The following EPB41L3 variants were observed in gnomAD, a reference collection of about 807,000 sequenced individuals.
EPB41L3 encodes band 4.1-like protein 3.
A neutral mutation model predicts 127.1 loss-of-function variants in EPB41L3; 57 were observed. The ratio of observed to expected loss-of-function variants is 0.45; its 90% CI spans 0.36 to 0.56. The LOEUF is 0.56. EPB41L3 is among the 20% of genes least tolerant of loss of function. EPB41L3 has a pLI of 0.00. For missense variants in EPB41L3, 1,273 were observed against 1,372.2 expected (o/e 0.93, Z 1.14); for synonymous variants, 572 against 549.5 (o/e 1.04, Z -0.57).
chr18:5,423,762 G>A (rs1345755004), intron 10 of EPB41L3, among the ~76,000 whole-genome samples: 1 of 152,158 alleles, frequency 6.6e-6, no homozygotes, highest in African/African-American at 2.4e-5. Context: ...AATGAGGGTT[G>A]TACTGAACTA....
chr18:5,564,968 C>T (rs1355449437), intron 3 of EPB41L3, among the ~76,000 whole-genome samples: 3 of 152,130 alleles, frequency 2.0e-5, no homozygotes, highest in Admixed American at 1.3e-4. Flanking sequence ...GAGAACTTTT[C>T]CCTCAAAATA....
At chr18:5,459,606 A>G (rs560600144) in intron 3 of EPB41L3, among the ~76,000 whole-genome samples, 1 of 152,296 alleles carries the variant, frequency 6.6e-6, no homozygotes, top group South Asian at 2.1e-4. Context: ...GGTTATATAA[A>G]GGAAGTTCTT....
rs574590902 is a variant in EPB41L3, at chr18:5,487,328, T to TA, written c.183+1672dup. Among the ~76,000 whole-genome samples, 10 of 151,650 alleles carry TA rather than the reference T, an allele frequency of 6.6e-5. No homozygotes were observed. In the South Asian group the frequency reaches 2.1e-3, roughly 32 times the overall value. ...GGTGATTACGTGAGGCTGGGAAGGA[T>TA]AGGGAGGATGGTAGGGAGGAGGAGT... On this transcript the variant is annotated intron_variant, in intron 2 of 22. Coordinates refer to ENST00000341928, the MANE Select transcript of EPB41L3 (RefSeq NM_012307.5).
At chr18:5,576,873 A>G (rs1568598388) in intron 3 of EPB41L3, among the ~76,000 whole-genome samples, 1 of 152,256 alleles carries the variant, frequency 6.6e-6, no homozygotes, top group Non-Finnish European at 1.5e-5. Context: ...AGTACACGGC[A>G]TTCTTGTCTT....
At chr18:5,522,054 T>C (rs2093012388) in intron 1 of EPB41L3, among the ~76,000 whole-genome samples, 1 of 152,132 alleles carries the variant, frequency 6.6e-6, no homozygotes, top group African/African-American at 2.4e-5. Context: ...AAGGGTTATC[T>C]TTAGAACAGA....
intron 3 of EPB41L3, among the ~76,000 whole-genome samples, chr18:5,562,450 C>A (rs1480806598): frequency 6.6e-6 from 1 of 152,162 alleles, no homozygotes; most frequent in Non-Finnish European, 1.5e-5. Flanking sequence ...AGTCATATGA[C>A]TTGGTTCCAT....
intron 1 of EPB41L3, among the ~76,000 whole-genome samples, chr18:5,618,116 C>T (rs1266316992): frequency 2.0e-5 from 3 of 152,146 alleles, no homozygotes; most frequent in African/African-American, 7.2e-5. Flanking sequence ...ATTCAAAATT[C>T]CAAACAACTA....
intron 1 of EPB41L3, among the ~76,000 whole-genome samples, chr18:5,494,129 A>G (rs1336989988): frequency 1.3e-5 from 2 of 152,068 alleles, no homozygotes; most frequent in Admixed American, 1.3e-4. Context: ...CTTTACCTGG[A>G]TATCTCAGAA....
At chr18:5,598,725 A>G (rs1453698639) in intron 3 of EPB41L3, among the ~76,000 whole-genome samples, 6 of 152,212 alleles carry the variant, frequency 3.9e-5, no homozygotes. Flanking sequence ...GAGGCAGAAA[A>G]GCAGATGTCC....
chr18:5,471,175 T>C (rs1277600268), intron 3 of EPB41L3, among the ~76,000 whole-genome samples: 1 of 152,176 alleles, frequency 6.6e-6, no homozygotes, highest in Non-Finnish European at 1.5e-5. Context: ...TTATACTGTC[T>C]GTCCTTAAAG....
At chr18:5,595,419 T>C (rs1456542358) in intron 3 of EPB41L3, among the ~76,000 whole-genome samples, 6 of 152,154 alleles carry the variant, frequency 3.9e-5, no homozygotes, top group Admixed American at 3.9e-4. Flanking sequence ...CACTGTCTCC[T>C]GGACAGCCTT....
At chr18:5,478,028 A>T (rs1383403062) in intron 3 of EPB41L3, among the ~76,000 whole-genome samples, 2 of 152,238 alleles carry the variant, frequency 1.3e-5, no homozygotes, top group African/African-American at 4.8e-5. Flanking sequence ...ATATAAGGTC[A>T]CAGTTTACTT....
In EPB41L3 at chr18:5,397,247, G is replaced by C. The variant is rs369967519; in HGVS notation, c.2652C>G (p.Pro884=). The change falls in exon 18 of 23, where the codon CCC becomes CCG. Residue 884 remains proline (P), a synonymous_variant. Coordinates refer to ENST00000341928, the MANE Select transcript of EPB41L3 (RefSeq NM_012307.5). This position sits in a 1 kb window ranked among gnomAD's most constrained non-coding sequence, Gnocchi z 4.1. ...CTTTCCCTTTAATGCCTGTGAATGC[G>C]GGCTGTGCTGCAGCATCCCCGCTGT... ...AGDSGDAAAQ[P]AFTGIKGKEG... The C allele has an allele frequency of 6.2e-7, 1 of 1,614,072 alleles. No homozygotes were observed.
Position 5,424,288 on chromosome 18 carries a change from T to C in EPB41L3, c.1137A>G (p.Val379=), listed in dbSNP as rs761234872. The C allele has an allele frequency of 7.5e-6, 12 of 1,607,446 alleles. No homozygotes were observed. The highest frequency in any genetic ancestry group is 6.8e-6 in the Non-Finnish European group (8 of 1,177,184). Residue 379 remains valine, a synonymous_variant, in exon 10 of 23, where the codon GTA becomes GTG. Transcript: ENST00000341928. ...NHRAAKRLWK[V]CVEHHTFFRL... ...TGAAAAATGTATGATGCTCAACACA[T>C]ACTTTCCATAAACGCTTGGCAGCTC...
Position 5,438,112 on chromosome 18 carries a change from T to C in EPB41L3, c.530-2A>G, listed in dbSNP as rs781616239. ...TAAATGAAAAGTGCCAAGCACCACC[T>C]GCAAGGATGGAAAAAAATTAGAGTA... On this transcript the variant is annotated splice_acceptor_variant, in intron 5 of 22. Transcript: ENST00000341928. LOFTEE classifies it high-confidence loss of function. 1 of 1,612,986 alleles carries C rather than the reference T, an allele frequency of 6.2e-7. No homozygotes were observed. The highest frequency in any genetic ancestry group is 8.5e-7 in the Non-Finnish European group (1 of 1,179,694).
chr18:5,613,532 T>G (rs1450217944), intron 2 of EPB41L3, among the ~76,000 whole-genome samples: 1 of 152,172 alleles, frequency 6.6e-6, no homozygotes, highest in Admixed American at 6.5e-5. Flanking sequence ...GGGTTTAGGG[T>G]AGATGATTCT....
chr18:5,551,303 C>A (rs1457555681), intron 3 of EPB41L3, among the ~76,000 whole-genome samples: 2 of 152,120 alleles, frequency 1.3e-5, no homozygotes, highest in Non-Finnish European at 2.9e-5. Flanking sequence ...AGCAAATTTC[C>A]ACTTCTCTTG....
intron 1 of EPB41L3, among the ~76,000 whole-genome samples, chr18:5,625,000 C>A (rs1241935397): frequency 1.3e-5 from 2 of 152,062 alleles, no homozygotes; most frequent in African/African-American, 4.8e-5. Flanking sequence ...GAGCGAAAGA[C>A]AGAGAAATCA....
At chr18:5,449,717 T>C (rs1271557991) in intron 3 of EPB41L3, among the ~76,000 whole-genome samples, 3 of 152,204 alleles carry the variant, frequency 2.0e-5, no homozygotes, top group Non-Finnish European at 4.4e-5. Context: ...GAAGTTCATC[T>C]GAAAAGGATG....
Sources: gnomAD v4.1 joint callset for allele counts (sites outside exome capture counted in the v4.1 genomes callset) on GRCh38, gnomAD v4.1.1 for gene constraint, Gnocchi (gnomAD v3.1) non-coding constraint, MANE v1.5 for transcripts, NCBI Gene and HGNC (gene_info 2026-07-23, HGNC 2026-07-21) for gene names.